NFKB1: variants seen among roughly 807,000 people sequenced by gnomAD.
NFKB1 encodes nuclear factor NF-kappa-B p105 subunit.
NFKB1 carries 9 observed loss-of-function variants against 105.1 expected under a neutral mutation model. The observed-to-expected ratio is 0.09, with a 90% CI of 0.05 to 0.15. NFKB1 has a LOEUF of 0.15. NFKB1 is among the 10% of genes least tolerant of loss of function. NFKB1 has a pLI of 1.00. For synonymous variants in NFKB1, 440 were observed against 442.2 expected, an observed-to-expected ratio of 1.00 and a Z score of 0.06; for missense variants, 830 against 1,203.7, an observed-to-expected ratio of 0.69 and a Z score of 4.59.
rs183594128 is a variant in NFKB1, at chr4:102,514,965, C to A, written c.-7-10547C>A. Reference sequence around the variant, plus strand: ...ACTAGCCCAGTGTACCATCTTCATACATTTAAACTGTGTCTTTAATATTAA... The same window carrying A: ...ACTAGCCCAGTGTACCATCTTCATAAATTTAAACTGTGTCTTTAATATTAA... On this transcript the variant is annotated intron_variant, in intron 1 of 23. Coordinates refer to ENST00000226574, the MANE Select transcript of NFKB1 (RefSeq NM_003998.4). Among the ~76,000 whole-genome samples, 456 of 152,124 alleles carry A rather than the reference C, an allele frequency of 3.0e-3. 1 individual carries two copies. Among genetic ancestry groups the A allele is most frequent in the Non-Finnish European group, 5.1e-3 (347 of 67,994 alleles).
intron 16 of NFKB1, among the ~76,000 whole-genome samples, chr4:102,603,465 T>C (rs1727392695): frequency 1.3e-5 from 2 of 152,164 alleles, no homozygotes; most frequent in South Asian, 4.1e-4. Flanking sequence ...ACAAAAACCC[T>C]GAAACCGCCA....
chr4:102,530,184 T>C (rs561306736), intron 3 of NFKB1, among the ~76,000 whole-genome samples: 1 of 152,310 alleles, frequency 6.6e-6, no homozygotes, highest in East Asian at 1.9e-4. Context: ...ATTTTCTTTA[T>C]TATCTCTGTA....
At chr4:102,563,441 T>C (rs1723599423) in intron 5 of NFKB1, among the ~76,000 whole-genome samples, 1 of 152,008 alleles carries the variant, frequency 6.6e-6, no homozygotes, top group Non-Finnish European at 1.5e-5. Context: ...TTTTAGATAG[T>C]ACTTAAAAAA....
intron 6 of NFKB1, among the ~76,000 whole-genome samples, chr4:102,574,158 A>G (rs1284299476): frequency 7.1e-6 from 1 of 140,990 alleles, no homozygotes; most frequent in South Asian, 2.2e-4. Context: ...GTGCTTTTAA[A>G]TACGTTTGAG....
chr4:102,578,403 G>A (rs567695704), intron 7 of NFKB1: 1 of 160,636 alleles, frequency 6.2e-6, no homozygotes, highest in East Asian at 1.8e-4. Context: ...GAGTCATTCA[G>A]TTCCTTCAGA....
chr4:102,609,158 C>CAAAAAA lies in NFKB1; in HGVS notation c.2228-1410_2228-1405dup, dbSNP rs372174091. Among the ~76,000 whole-genome samples, 99 of 97,368 alleles carry CAAAAAA rather than the reference C, an allele frequency of 1.0e-3. 5 individuals are homozygous for CAAAAAA. Among genetic ancestry groups the CAAAAAA allele is most frequent in the South Asian group, 1.6e-3 (5 of 3,072 alleles). 63.9% of individuals were successfully genotyped at this position (97,368 alleles called of 152,430 possible). On this transcript the variant is annotated intron_variant, in intron 19 of 23. Transcript: ENST00000226574. ...ATAGAATAAGAATAAGACCCTGTCT[C>CAAAAAA]AAAAAAAAAAAAGAAAAAGAAAGAA...
intron 19 of NFKB1, among the ~76,000 whole-genome samples, 199 bp downstream of exon 19, chr4:102,607,950 T>C (rs1357229350): frequency 6.6e-6 from 1 of 152,244 alleles, no homozygotes; most frequent in African/African-American, 2.4e-5. Context: ...TTTACCCTGA[T>C]AGTCATTTTA....
intron 1 of NFKB1, among the ~76,000 whole-genome samples, chr4:102,522,700 T>A (rs1259416037): frequency 5.3e-5 from 8 of 152,168 alleles, no homozygotes. Flanking sequence ...CAGCCTCACC[T>A]CTGTTTTTGA....
chr4:102,571,904 G>A (rs1466003235), intron 6 of NFKB1, among the ~76,000 whole-genome samples: 1 of 152,158 alleles, frequency 6.6e-6, no homozygotes, highest in African/African-American at 2.4e-5. Flanking sequence ...AACTAGTTCA[G>A]CCATTGTGGA....
At chr4:102,584,870 T>C (rs764242480) in intron 11 of NFKB1, 50 bp downstream of exon 11, 5 of 1,527,236 alleles carry the variant, frequency 3.3e-6, no homozygotes, top group Non-Finnish European at 4.4e-6. Flanking sequence ...TTATTTTATT[T>C]TTGGTTTTTG....
At chr4:102,601,995 A>T (rs951386068) in intron 16 of NFKB1, among the ~76,000 whole-genome samples, 1 of 151,892 alleles carries the variant, frequency 6.6e-6, no homozygotes, top group Non-Finnish European at 1.5e-5. Flanking sequence ...CCTTGGAGAG[A>T]TGGTTTGCTG....
chr4:102,518,960 G>C (rs1320649031), intron 1 of NFKB1, among the ~76,000 whole-genome samples: 1 of 152,064 alleles, frequency 6.6e-6, no homozygotes, highest in East Asian at 1.9e-4. Flanking sequence ...TCTTCCTATT[G>C]GTCAGAGTAT....
chr4:102,581,569 G>C (rs534409485), intron 9 of NFKB1, among the ~76,000 whole-genome samples: 39 of 152,160 alleles, frequency 2.6e-4, no homozygotes, highest in African/African-American at 8.9e-4. Flanking sequence ...TGGGAGGATT[G>C]CTTGAACCCA....
At chr4:102,614,942 A>G (rs1207808529) in intron 23 of NFKB1, among the ~76,000 whole-genome samples, 1 of 152,078 alleles carries the variant, frequency 6.6e-6, no homozygotes, top group African/African-American at 2.4e-5. Context: ...CCTTTCTGCC[A>G]CTAATCACTT....
Position 102,600,932 on chromosome 4 carries a change from C to A in NFKB1, c.1675C>A (p.Leu559Ile). 6.2e-7 allele frequency: 1 copy of A among 1,611,868 alleles called. No individual in the cohort carries two copies. Among genetic ancestry groups the A allele is most frequent in the East Asian group, 2.2e-5 (1 of 44,854 alleles). Reference sequence around the variant, plus strand: ...AGCAATCATCCACCTTCATTCTCAACTTGTGAGGGATCTACTAGAAGTCAC... The same window carrying A: ...AGCAATCATCCACCTTCATTCTCAAATTGTGAGGGATCTACTAGAAGTCAC... ...HLAIIHLHSQ[L>I]VRDLLEVTSG... Residue 559 changes from leucine to isoleucine, a missense_variant, in exon 16 of 24, where the codon CTT becomes ATT. This residue lies in a region of NFKB1 where 418 missense variants were observed against 575.3 expected (regional missense o/e 0.73). Coordinates refer to ENST00000226574, the MANE Select transcript of NFKB1 (RefSeq NM_003998.4).
chr4:102,597,539 G>A lies in NFKB1; in HGVS notation c.1515G>A (p.Lys505=). ...TTACAGATAACCTCTTTCTAGAGAA[G>A]GCTATGCAGCTTGCAAAGAGGCATG... ...AGVQDNLFLE[K]AMQLAKRHAN... Residue 505 remains lysine (K), a synonymous_variant, in exon 15 of 24, where the codon AAG becomes AAA. Transcript: ENST00000226574. 6.2e-7 allele frequency: 1 copy of A among 1,612,994 alleles called. No individual in the cohort carries two copies. Among genetic ancestry groups the A allele is most frequent in the Non-Finnish European group, 8.5e-7 (1 of 1,179,432 alleles).
chr4:102,548,481 C>A (rs1311352527), intron 5 of NFKB1, among the ~76,000 whole-genome samples: 1 of 152,108 alleles, frequency 6.6e-6, no homozygotes, highest in Non-Finnish European at 1.5e-5. Flanking sequence ...CTGAGCCCTG[C>A]TTTAGGTATG....
intron 5 of NFKB1, among the ~76,000 whole-genome samples, chr4:102,551,601 A>G (rs576015365): frequency 9.2e-5 from 14 of 152,296 alleles, no homozygotes; most frequent in South Asian, 2.1e-4. Flanking sequence ...CAGGATTTCT[A>G]CAAGGGTGAG....
At chr4:102,599,400 T>C (rs1726936511) in intron 15 of NFKB1, among the ~76,000 whole-genome samples, 1 of 152,206 alleles carries the variant, frequency 6.6e-6, no homozygotes, top group African/African-American at 2.4e-5. Flanking sequence ...CCAAGTACGA[T>C]ATACTTGCTA....
Sources: allele counts gnomAD v4.1 joint callset (sites outside exome capture counted in the v4.1 genomes callset), GRCh38; gene constraint gnomAD v4.1.1; regional missense constraint gnomAD v4.1.1; transcripts MANE v1.5; gene names NCBI Gene and HGNC (gene_info 2026-07-23, HGNC 2026-07-21).